Variants in CDHR2 observed in about 807,000 individuals in gnomAD.
CDHR2 encodes cadherin related family member 2.
In CDHR2, 104 loss-of-function variants were observed where a neutral mutation model predicts 138.6. The ratio of observed to expected loss-of-function variants is 0.75; its 90% CI spans 0.64 to 0.88. The LOEUF is 0.88. Ranked by LOEUF, CDHR2 falls within the 40% of genes least tolerant of loss-of-function variation. The pLI, the probability that CDHR2 is intolerant of heterozygous loss-of-function variation, is 0.00. For synonymous variants in CDHR2, 755 were observed against 742.8 expected (o/e 1.02, Z -0.27); for missense variants, 1,624 against 1,727.6 (o/e 0.94, Z 1.06).
chr5:176,573,057 A>C (rs570800871), intron 6 of CDHR2, among the ~76,000 whole-genome samples: 1 of 152,338 alleles, frequency 6.6e-6, no homozygotes, highest in Admixed American at 6.5e-5. Context: ...GCATCTGAAC[A>C]GAGAGACCTG....
chr5:176,591,386 A>G lies in CDHR2; in HGVS notation c.3654-18A>G. ...GGGTGGCTGAGGGCCAGGCAACTTG[A>G]CCAGGCTTTCTCTCCAGAGCCAACC... On this transcript the variant is annotated intron_variant, in intron 29 of 31. Coordinates refer to ENST00000261944, the MANE Select transcript of CDHR2 (RefSeq NM_017675.6). 1 of 1,613,634 alleles carries G rather than the reference A, an allele frequency of 6.2e-7. No homozygotes were observed.
rs1252698748 is a variant in CDHR2 at position 176,573,498 on chromosome 5, T to G, written c.406-585T>G. Among the ~76,000 whole-genome samples the G allele has an allele frequency of 1.5e-4, 21 of 144,726 alleles. No individual in the cohort carries two copies. The South Asian group carries it at 2.0e-3, about 14-fold the overall frequency. 94.9% of individuals were successfully genotyped at this position (144,726 alleles called of 152,430 possible). A position where few individuals can be genotyped will look rare whatever the true frequency, so the allele number is the denominator to read the frequency against. ...CTATTAAAAATATATATAAAAAAAATTAGCTAGGCATGGTGGTGGGCGCCT... is the reference window on the plus strand; with the variant it reads ...CTATTAAAAATATATATAAAAAAAAGTAGCTAGGCATGGTGGTGGGCGCCT... On this transcript the variant is annotated intron_variant, in intron 6 of 31. Coordinates refer to ENST00000261944, the MANE Select transcript of CDHR2 (RefSeq NM_017675.6).
downstream of CDHR2, chr5:176,595,875 C>A (rs1396892519): frequency 1.5e-5 from 7 of 476,350 alleles, no homozygotes; most frequent in Non-Finnish European, 2.2e-5. Flanking sequence ...GGGGTGGGGA[C>A]GGGACACTGA....
intron 21 of CDHR2, among the ~76,000 whole-genome samples, chr5:176,588,065 A>G (rs150041330): frequency 5.3e-5 from 8 of 152,364 alleles, no homozygotes; most frequent in African/African-American, 1.2e-4. Flanking sequence ...AAAAGGCACT[A>G]GAATGAATAA....
chr5:176,547,935 G>C, upstream of CDHR2, among the ~76,000 whole-genome samples: 1 of 152,134 alleles, frequency 6.6e-6, no homozygotes, highest in East Asian at 1.9e-4. Flanking sequence ...CCTTAACAAC[G>C]GGGACACCTT....
intron 7 of CDHR2, among the ~76,000 whole-genome samples, chr5:176,574,433 T>C (rs1341693731): frequency 2.0e-5 from 3 of 152,152 alleles, no homozygotes; most frequent in African/African-American, 7.2e-5. Context: ...CCACAGACAA[T>C]AAGGGGTGTG....
intron 16 of CDHR2, among the ~76,000 whole-genome samples, chr5:176,579,930 G>T: frequency 6.6e-6 from 1 of 152,154 alleles, no homozygotes; most frequent in East Asian, 1.9e-4. Flanking sequence ...GTGCTATGTT[G>T]AGGCCCAGAG....
At chr5:176,588,342 ATGTG>A (rs1223554402) in intron 21 of CDHR2, among the ~76,000 whole-genome samples, 1 of 145,824 alleles carries the variant, frequency 6.9e-6, no homozygotes, top group East Asian at 2.1e-4. Flanking sequence ...AAGTGTGTGA[ATGTG>A]TGTGAATTGA....
At chr5:176,590,919 GCATCTCACACC>G (rs1405022172) in intron 28 of CDHR2, among the ~76,000 whole-genome samples, 1 of 152,204 alleles carries the variant, frequency 6.6e-6, no homozygotes, top group African/African-American at 2.4e-5. Flanking sequence ...GAAGTAACAT[GCATCTCACACC>G]CAGCTAGACG....
chr5:176,588,939 C>A (rs1758762266), intron 21 of CDHR2, 92 bp from the exon 22 acceptor site: 1 of 1,372,412 alleles, frequency 7.3e-7, no homozygotes, highest in Non-Finnish European at 1.0e-6. Context: ...TGAGGGCCAG[C>A]CTCCCAGGCC....
chr5:176,578,077 G>A lies in CDHR2; in HGVS notation c.1556G>A (p.Ser519Asn). 6.2e-7 allele frequency: 1 copy of A among 1,612,960 alleles called. No homozygotes were observed. The highest frequency in any genetic ancestry group is 8.5e-7 in the Non-Finnish European group (1 of 1,179,156). ...GGCGCGTGGGGCCAAATTACCTACAGCCTGCTCCCAGGAAATGGGTAAGGG... is the reference window on the plus strand; with the variant it reads ...GGCGCGTGGGGCCAAATTACCTACAACCTGCTCCCAGGAAATGGGTAAGGG... ...DTGAWGQITY[S>N]LLPGNGADLF... Residue 519 changes from serine (S) to asparagine (N), a missense_variant, in exon 15 of 32, where the codon AGC (serine) becomes AAC (asparagine). Ser to Asn is a conservative substitution (Grantham distance 46). This residue lies in a region of CDHR2 where 1,061 missense variants were observed against 1,136.6 expected (regional missense o/e 0.93). Coordinates refer to ENST00000261944, the MANE Select transcript of CDHR2 (RefSeq NM_017675.6).
At chr5:176,565,257 A>G (rs6556275) in intron 1 of CDHR2, 81 bp from the exon 2 acceptor site, 892,492 of 978,082 alleles carry the variant, frequency 0.91, 408,429 homozygotes, top group Non-Finnish European at 0.94. Flanking sequence ...GGGTGGGCTC[A>G]GGTCAGACCC....
At chr5:176,551,859 G>A (rs952756370) in intron 1 of CDHR2, among the ~76,000 whole-genome samples, 6 of 120,016 alleles carry the variant, frequency 5.0e-5, no homozygotes, top group African/African-American at 8.9e-5. Context: ...CCGCCACCAC[G>A]CCTGGCTAAT....
In CDHR2 at chr5:176,591,772, ATGG is replaced by A. The variant is rs774458419; in HGVS notation, c.3734+306_3734+308del. The A allele has an allele frequency of 2.9e-3, 234 of 79,862 alleles. 25 individuals are homozygous for A. The highest frequency in any genetic ancestry group is 0.019 in the African/African-American group (190 of 9,794). The allele number at this position is 79,862 out of a possible 1,614,324, so 4.9% of individuals were successfully genotyped here. On this transcript the variant is annotated intron_variant, in intron 30 of 31. Coordinates refer to ENST00000261944, the MANE Select transcript of CDHR2 (RefSeq NM_017675.6). ...GGTGGTGATGATGGTGATGATGACG[ATGG>A]TGGTGGTGGTGGTGGTGTTGGTGTT... is the stretch of plus-strand genomic sequence containing the variant.
intron 1 of CDHR2, among the ~76,000 whole-genome samples, chr5:176,564,214 C>A (rs1184935995): frequency 6.6e-6 from 1 of 151,998 alleles, no homozygotes; most frequent in Non-Finnish European, 1.5e-5. Flanking sequence ...GAGACGGAGT[C>A]TCACTCTGTC....
At chr5:176,585,277 T>C (rs775195218) in intron 19 of CDHR2, among the ~76,000 whole-genome samples, 1 of 144,858 alleles carries the variant, frequency 6.9e-6, no homozygotes, top group South Asian at 2.2e-4. Flanking sequence ...TGCAGTAGCA[T>C]CAAATTAATG....
intron 1 of CDHR2, among the ~76,000 whole-genome samples, chr5:176,549,789 A>G (rs1757664342): frequency 6.6e-6 from 1 of 152,188 alleles, no homozygotes. Flanking sequence ...CTCTTACCCC[A>G]GCTGCTCGGT....
chr5:176,582,071 A>G (rs1368513733), intron 17 of CDHR2, among the ~76,000 whole-genome samples: 4 of 152,222 alleles, frequency 2.6e-5, no homozygotes, highest in Non-Finnish European at 1.5e-5. Flanking sequence ...CCCAGGCTGC[A>G]GTGCAATAGT....
intron 1 of CDHR2, among the ~76,000 whole-genome samples, chr5:176,551,847 G>A (rs1186913393): frequency 8.7e-5 from 13 of 148,788 alleles, no homozygotes; most frequent in East Asian, 8.0e-4. Context: ...GACTACAGGC[G>A]CCCGCCACCA....
Sources: allele counts gnomAD v4.1 joint callset (sites outside exome capture counted in the v4.1 genomes callset), GRCh38; gene constraint gnomAD v4.1.1; regional missense constraint gnomAD v4.1.1; transcripts MANE v1.5; gene names NCBI Gene and HGNC (gene_info 2026-07-23, HGNC 2026-07-21).